The following UBE2E2 variants were observed in gnomAD, a reference collection of about 807,000 sequenced individuals.
UBE2E2 encodes the protein ubiquitin conjugating enzyme E2 E2.
Under a neutral mutation model 24.7 loss-of-function variants are expected in UBE2E2, and 6 were observed. The ratio of observed to expected loss-of-function variants is 0.24; its 90% CI spans 0.13 to 0.48. The LOEUF is 0.48. Among genes scored for constraint, UBE2E2 ranks in the 20% least tolerant of loss-of-function variants. UBE2E2 has a pLI of 0.99. For synonymous variants in UBE2E2, 104 were observed against 83.6 expected, an observed-to-expected ratio of 1.24 and a Z score of -1.33; for missense variants, 169 against 245.0, an observed-to-expected ratio of 0.69 and a Z score of 2.07.
chr3:23,276,079 C>T (rs983343257), intron 3 of UBE2E2, among the ~76,000 whole-genome samples: 25 of 151,912 alleles, frequency 1.6e-4, no homozygotes, highest in Non-Finnish European at 3.1e-4. Context: ...ATTTCTATGT[C>T]TTTTTATCTG....
At chr3:23,266,333 G>T (rs1201636731) in intron 3 of UBE2E2, among the ~76,000 whole-genome samples, 2 of 152,128 alleles carry the variant, frequency 1.3e-5, no homozygotes, top group Non-Finnish European at 2.9e-5. Context: ...CTCTTTTAGG[G>T]CAGGCCTGGT....
At chr3:23,440,517 C>T (rs1251265193) in intron 3 of UBE2E2, among the ~76,000 whole-genome samples, 4 of 152,178 alleles carry the variant, frequency 2.6e-5, no homozygotes, top group African/African-American at 4.8e-5. Flanking sequence ...CGTTCATACG[C>T]GTGAACAGAA....
chr3:23,316,861 G>T (rs1371111831), intron 3 of UBE2E2, among the ~76,000 whole-genome samples: 3 of 152,020 alleles, frequency 2.0e-5, no homozygotes, highest in African/African-American at 4.8e-5. Flanking sequence ...AAGGCAGTGG[G>T]CTCACTTCTG....
In UBE2E2 at chr3:23,499,634, A is replaced by G; in HGVS notation, c.254A>G (p.Tyr85Cys). 1 of 1,613,776 alleles carries G rather than the reference A, an allele frequency of 6.2e-7. No homozygotes were observed. Among genetic ancestry groups the G allele is most frequent in the East Asian group, 2.2e-5 (1 of 44,858 alleles). The change falls in exon 4 of 6, where the codon TAT becomes TGT. Residue 85 changes from tyrosine (Y) to cysteine (C), a missense_variant. By Grantham distance (194) the Tyr-to-Cys change is radical (BLOSUM62 -2). Coordinates refer to ENST00000396703, the MANE Select transcript of UBE2E2 (RefSeq NM_152653.4). The part of the protein sequence containing the change: ...CSAGPKGDNI[Y>C]EWRSTILGPP... ...GCTGGACCCAAAGGAGACAACATTT[A>G]TGAATGGAGGTCAACTATATTGGGA...
intron 2 of UBE2E2, among the ~76,000 whole-genome samples, chr3:23,213,510 T>C (rs566246803): frequency 5.3e-5 from 8 of 152,234 alleles, no homozygotes; most frequent in Admixed American, 2.0e-4. Flanking sequence ...GTAATATACA[T>C]TGAAATTTAA....
chr3:23,570,442 G>T (rs961893682), intron 5 of UBE2E2, among the ~76,000 whole-genome samples: 2 of 152,116 alleles, frequency 1.3e-5, no homozygotes, highest in South Asian at 2.1e-4. Context: ...TTAACAAAAG[G>T]CTGGGCAGGG....
rs533757961 is a variant in UBE2E2, at chr3:23,248,703, G to A, written c.227+31391G>A. ...TCCTTTTATTCTGATCAGTGAATGT[G>A]TGTCCCTGAGTGAGAGATGGAAGAA... is the stretch of plus-strand genomic sequence containing the variant. On this transcript the variant is annotated intron_variant, in intron 3 of 5. Coordinates refer to ENST00000396703, the MANE Select transcript of UBE2E2 (RefSeq NM_152653.4). Among the ~76,000 whole-genome samples the A allele has an allele frequency of 2.3e-3, 334 of 147,426 alleles. 3 individuals carry two copies. Among genetic ancestry groups the A allele is most frequent in the Non-Finnish European group, 4.0e-3 (263 of 65,208 alleles).
At chr3:23,478,258 A>T (rs1699180641) in intron 3 of UBE2E2, among the ~76,000 whole-genome samples, 1 of 152,240 alleles carries the variant, frequency 6.6e-6, no homozygotes. Flanking sequence ...GCCTGCCCTC[A>T]GGGGACTCCT....
At chr3:23,218,285 G>A (rs1016098878) in intron 3 of UBE2E2, among the ~76,000 whole-genome samples, 2 of 152,068 alleles carry the variant, frequency 1.3e-5, no homozygotes. Context: ...AATGAATCAT[G>A]TACAGTTTAT....
chr3:23,418,209 G>C (rs1292307990), intron 3 of UBE2E2, among the ~76,000 whole-genome samples: 2 of 152,190 alleles, frequency 1.3e-5, no homozygotes, highest in African/African-American at 4.8e-5. Context: ...GGAATCTCCT[G>C]GTCTGCAGGT....
At chr3:23,401,718 T>C (rs1697226709) in intron 3 of UBE2E2, among the ~76,000 whole-genome samples, 1 of 152,114 alleles carries the variant, frequency 6.6e-6, no homozygotes, top group African/African-American at 2.4e-5. Context: ...TCTTGCTCTG[T>C]CGCCTAGGCT....
intron 3 of UBE2E2, among the ~76,000 whole-genome samples, chr3:23,235,963 A>G (rs956377766): frequency 3.3e-5 from 5 of 152,188 alleles, no homozygotes; most frequent in Non-Finnish European, 5.9e-5. Context: ...TTGAATTGTC[A>G]TCAAAGAAAT....
At chr3:23,522,106 A>G (rs1166100008) in intron 4 of UBE2E2, among the ~76,000 whole-genome samples, 1 of 151,414 alleles carries the variant, frequency 6.6e-6, no homozygotes, top group Non-Finnish European at 1.5e-5. Flanking sequence ...ACTCATTTGT[A>G]GAAAACTCAT....
intron 5 of UBE2E2, among the ~76,000 whole-genome samples, chr3:23,539,560 C>T (rs908812089): frequency 6.6e-6 from 1 of 152,110 alleles, no homozygotes; most frequent in Non-Finnish European, 1.5e-5. Context: ...CTTTTCCTTA[C>T]TTCTGTTTCC....
At chr3:23,477,100 T>C (rs912725827) in intron 3 of UBE2E2, among the ~76,000 whole-genome samples, 12 of 151,134 alleles carry the variant, frequency 7.9e-5, no homozygotes, top group Non-Finnish European at 1.8e-4. Flanking sequence ...TAATTGTGTT[T>C]GCAGTGAATA....
intron 3 of UBE2E2, among the ~76,000 whole-genome samples, chr3:23,235,273 G>A (rs1278545756): frequency 6.6e-6 from 1 of 152,146 alleles, no homozygotes; most frequent in Non-Finnish European, 1.5e-5. Flanking sequence ...TTTATTTTGG[G>A]TTGAGAAAGC....
intron 3 of UBE2E2, among the ~76,000 whole-genome samples, chr3:23,438,890 TA>T: frequency 6.6e-6 from 1 of 152,230 alleles, no homozygotes; most frequent in Admixed American, 6.5e-5. Flanking sequence ...AATTTTCTGA[TA>T]ACAACATATT....
chr3:23,305,297 T>G (rs1012453798), intron 3 of UBE2E2, among the ~76,000 whole-genome samples: 1 of 152,242 alleles, frequency 6.6e-6, no homozygotes, highest in African/African-American at 2.4e-5. Context: ...ATACAAATGC[T>G]TTCCTTCGAG....
intron 5 of UBE2E2, among the ~76,000 whole-genome samples, chr3:23,555,073 G>A (rs143826701): frequency 5.5e-4 from 83 of 151,978 alleles, no homozygotes; most frequent in South Asian, 5.4e-3. Flanking sequence ...CTGCCACCAC[G>A]CCCGTCTAAT....
Sources: gnomAD v4.1 joint callset for allele counts (sites outside exome capture counted in the v4.1 genomes callset) on GRCh38, gnomAD v4.1.1 for gene constraint, MANE v1.5 for transcripts, NCBI Gene and HGNC (gene_info 2026-07-23, HGNC 2026-07-21) for gene names.